Variants in INTS6L observed in about 807,000 individuals in gnomAD.
INTS6L encodes integrator complex subunit 6 like.
INTS6L carries 18 observed loss-of-function variants against 64.7 expected under a neutral mutation model. That is an observed-to-expected ratio of 0.28 (90% CI 0.19 to 0.41). The LOEUF is 0.41. Among genes scored for constraint, INTS6L ranks in the 10% least tolerant of loss-of-function variants. The pLI, the probability that INTS6L is intolerant of heterozygous loss-of-function variation, is 1.00. For missense variants in INTS6L, 533 were observed against 661.0 expected (o/e 0.81, Z 2.12); for synonymous variants, 227 against 235.9 (o/e 0.96, Z 0.34).
At chrX:135,536,044 C>T (rs1208755080) in intron 2 of INTS6L, among the ~76,000 whole-genome samples, 2 of 112,252 alleles carry the variant, frequency 1.8e-5, no homozygotes, top group Non-Finnish European at 3.8e-5. Context: ...GACTGGACTG[C>T]ACTGCTCCTC....
In INTS6L at chrX:135,581,037, T is replaced by A. The variant is rs5975545; in HGVS notation, c.2495-13T>A. On this transcript the variant is annotated splice_polypyrimidine_tract_variant and intron_variant, in intron 16 of 17. Transcript: ENST00000639893. ...CTTTATAAAAATACTGAAGTTTTTTTAAATATCTTCAGAATATGAAAGAAT... is the reference window on the plus strand; with the variant it reads ...CTTTATAAAAATACTGAAGTTTTTTAAAATATCTTCAGAATATGAAAGAAT... 46,176 of 1,103,497 alleles carry A rather than the reference T, an allele frequency of 0.042. 1,668 individuals are homozygous for A. Among genetic ancestry groups the A allele is most frequent in the African/African-American group, 0.23 (12,263 of 53,059 alleles). The allele number at this position is 1,103,497 out of a possible 1,213,427, so 90.9% of individuals were successfully genotyped here. A position where few individuals can be genotyped will look rare whatever the true frequency, so the allele number is the denominator to read the frequency against.
Position 135,521,370 on chromosome X carries a change from G to A in INTS6L, c.189+52G>A, listed in dbSNP as rs782179242. The A allele has an allele frequency of 1.1e-5, 13 of 1,132,749 alleles. No homozygotes were observed. In the East Asian group the frequency reaches 3.5e-4, roughly 31 times the overall value. 93.4% of individuals were successfully genotyped at this position (1,132,749 alleles called of 1,213,427 possible). On this transcript the variant is annotated intron_variant, in intron 2 of 17. Transcript: ENST00000639893. ...GGCGGGAAGCGGGAGCAAGTCGGCG[G>A]GGGCTGCTTACCCCCCTGCCCCCGC... is the stretch of plus-strand genomic sequence containing the variant.
chrX:135,522,911 A>G (rs1180598088), intron 2 of INTS6L, among the ~76,000 whole-genome samples: 1 of 112,214 alleles, frequency 8.9e-6, no homozygotes, highest in Non-Finnish European at 1.9e-5. Flanking sequence ...GGATGTGATC[A>G]TTTTTTTCCA....
rs1602757130 is a variant in INTS6L at position 135,520,761 on chromosome X, C to T, written c.-232C>T. On this transcript the variant is annotated 5_prime_UTR_variant, in exon 1 of 18. Transcript: ENST00000639893. ...CAGAAGAGAGGAAGGGGGAGGGCCC[C>T]GAGGGCTACACACGCTCACACTTTC... 5.2e-6 allele frequency: 2 copies of T among 386,145 alleles called. No homozygotes were observed. Among genetic ancestry groups the T allele is most frequent in the South Asian group, 4.8e-5 (1 of 20,715 alleles). 31.8% of individuals were successfully genotyped at this position (386,145 alleles called of 1,213,427 possible).
chrX:135,531,567 C>A (rs2085910657), intron 2 of INTS6L, among the ~76,000 whole-genome samples: 1 of 112,137 alleles, frequency 8.9e-6, no homozygotes, highest in Non-Finnish European at 1.9e-5. Flanking sequence ...ATTTCTGTTG[C>A]CATCACTTTA....
chrX:135,570,415 G>A, intron 10 of INTS6L, 21 bp from the exon 11 acceptor site: 5 of 1,132,811 alleles, frequency 4.4e-6, no homozygotes, highest in Non-Finnish European at 5.8e-6. Flanking sequence ...TCTTACTGTT[G>A]TGTATTTTGT....
intron 7 of INTS6L, among the ~76,000 whole-genome samples, chrX:135,551,788 A>G (rs2086510214): frequency 9.0e-6 from 1 of 111,599 alleles, no homozygotes. Context: ...TCCTAATGTC[A>G]AGTAGATAGT....
intron 2 of INTS6L, among the ~76,000 whole-genome samples, chrX:135,527,064 C>G (rs1428751550): frequency 9.0e-6 from 1 of 111,326 alleles, no homozygotes; most frequent in African/African-American, 3.3e-5. Context: ...TACATGAATC[C>G]TAATGACTTG....
chrX:135,539,696 A>C (rs1469675226), intron 2 of INTS6L, among the ~76,000 whole-genome samples: 1 of 112,160 alleles, frequency 8.9e-6, no homozygotes, highest in African/African-American at 3.2e-5. Flanking sequence ...AAGCGAGAGA[A>C]GTGCAACTGT....
intron 6 of INTS6L, among the ~76,000 whole-genome samples, 171 bp downstream of exon 6, chrX:135,547,436 A>T (rs1466812452): frequency 8.9e-6 from 1 of 112,182 alleles, no homozygotes; most frequent in Non-Finnish European, 1.9e-5. Flanking sequence ...TCAGGTGGCC[A>T]AATTCTAACA....
In INTS6L at chrX:135,520,849, C is replaced by A; in HGVS notation, c.-144C>A. 1.8e-6 allele frequency: 1 copy of A among 559,648 alleles called. No homozygotes were observed. The highest frequency in any genetic ancestry group is 2.9e-6 in the Non-Finnish European group (1 of 343,313). 46.1% of individuals were successfully genotyped at this position (559,648 alleles called of 1,213,427 possible). A position where few individuals can be genotyped will look rare whatever the true frequency, so the allele number is the denominator to read the frequency against. On this transcript the variant is annotated 5_prime_UTR_variant, in exon 1 of 18. Coordinates refer to ENST00000639893, the MANE Select transcript of INTS6L (RefSeq NM_001351601.3). ...AGAGGAGGCCAGGAGCGGTCCCATC[C>A]GTCCCGTCCCGTCCCGTCTCCCCCT...
At chrX:135,580,239 T>C (rs1323344135) in intron 16 of INTS6L, 77 bp downstream of exon 16, 7 of 1,101,699 alleles carry the variant, frequency 6.4e-6, no homozygotes, top group African/African-American at 1.9e-5. Context: ...AGATTCAAGC[T>C]ATCCCTTGAG....
intron 2 of INTS6L, among the ~76,000 whole-genome samples, chrX:135,524,449 TG>T (rs1298912766): frequency 9.4e-6 from 1 of 106,321 alleles, no homozygotes; most frequent in East Asian, 3.0e-4. Context: ...AGAATATGAG[TG>T]TTTTTTTTTT....
In INTS6L at chrX:135,535,410, A is replaced by G. The variant is rs903997587; in HGVS notation, c.190-10013A>G. 2.7e-5 allele frequency among the ~76,000 whole-genome samples: 3 copies of G among 112,299 alleles called. No homozygotes were observed. The South Asian group carries it at 1.1e-3, about 42-fold the overall frequency. On this transcript the variant is annotated intron_variant, in intron 2 of 17. Coordinates refer to ENST00000639893, the MANE Select transcript of INTS6L (RefSeq NM_001351601.3). Reference sequence around the variant, plus strand: ...GAGTCCATTTTAATTGTGAGAAGAAAATTCCTGAAGTTGAGAAGTTTTAAC... The same window carrying G: ...GAGTCCATTTTAATTGTGAGAAGAAGATTCCTGAAGTTGAGAAGTTTTAAC...
Position 135,566,842 on chromosome X carries a change from T to C in INTS6L, c.1193-2495T>C, listed in dbSNP as rs548348135. ...ATATCACATTCAATCCACCTGTTCT[T>C]TTAAATTAAGAACTGAGGACTTGTG... On this transcript the variant is annotated intron_variant, in intron 9 of 17. Transcript: ENST00000639893. Among the ~76,000 whole-genome samples the C allele has an allele frequency of 4.5e-5, 5 of 111,936 alleles. No homozygotes were observed. The South Asian group carries it at 1.9e-3, about 42-fold the overall frequency.
At chrX:135,541,934 A>C (rs1175497669) in intron 2 of INTS6L, among the ~76,000 whole-genome samples, 2 of 112,156 alleles carry the variant, frequency 1.8e-5, no homozygotes, top group Admixed American at 9.4e-5. Flanking sequence ...GAAATTTATC[A>C]CATTAATAAG....
At chrX:135,537,960 A>G (rs2086099115) in intron 2 of INTS6L, among the ~76,000 whole-genome samples, 1 of 112,685 alleles carries the variant, frequency 8.9e-6, no homozygotes, top group African/African-American at 3.2e-5. Flanking sequence ...TTAATGATCA[A>G]CTGAGCTTTC....
chrX:135,565,743 T>C (rs2086931850), intron 9 of INTS6L, among the ~76,000 whole-genome samples: 1 of 111,656 alleles, frequency 9.0e-6, no homozygotes, highest in Admixed American at 9.5e-5. Flanking sequence ...CTTCACAGTT[T>C]AGTTAGTGGC....
chrX:135,532,350 G>A (rs1047937210), intron 2 of INTS6L, among the ~76,000 whole-genome samples: 1 of 112,587 alleles, frequency 8.9e-6, no homozygotes, highest in African/African-American at 3.2e-5. Context: ...ACGTAGGTGC[G>A]TAAACATTGT....
Sources: allele counts gnomAD v4.1 joint callset (sites outside exome capture counted in the v4.1 genomes callset), GRCh38; gene constraint gnomAD v4.1.1; transcripts MANE v1.5; gene names NCBI Gene and HGNC (gene_info 2026-07-23, HGNC 2026-07-21).